Variants in ARHGEF4 observed in about 807,000 individuals in gnomAD.
The protein encoded by ARHGEF4 is Rho guanine nucleotide exchange factor 4.
A neutral mutation model predicts 162.0 loss-of-function variants in ARHGEF4; 119 were observed. The observed-to-expected ratio is 0.73, with a 90% CI of 0.63 to 0.86. ARHGEF4 has a LOEUF of 0.86. Among genes scored for constraint, ARHGEF4 ranks in the 40% least tolerant of loss-of-function variants. The probability of loss-of-function intolerance (pLI) is 0.00; values close to 1 mark genes in which losing one functional copy is unlikely to be tolerated. For missense variants in ARHGEF4, 2,488 were observed against 2,456.0 expected (o/e 1.01, Z -0.28); for synonymous variants, 1,014 against 979.9 (o/e 1.03, Z -0.65).
chr2:130,993,534 C>T (rs1687187685), intron 4 of ARHGEF4, among the ~76,000 whole-genome samples: 1 of 151,960 alleles, frequency 6.6e-6, no homozygotes, highest in Non-Finnish European at 1.5e-5. Context: ...GGAAAGTATG[C>T]CTAAATCTTT....
intron 1 of ARHGEF4, among the ~76,000 whole-genome samples, chr2:130,843,844 G>A (rs1467905930): frequency 6.6e-6 from 1 of 152,162 alleles, no homozygotes. Flanking sequence ...CAGAGCCCCA[G>A]GGGGGCCCTG....
intron 3 of ARHGEF4, 85 bp downstream of exon 3, chr2:130,931,342 C>A: frequency 7.2e-7 from 1 of 1,383,288 alleles, no homozygotes; most frequent in Non-Finnish European, 9.7e-7. Context: ...TGAGCTTTTG[C>A]CTGACTCTCC....
intron 3 of ARHGEF4, among the ~76,000 whole-genome samples, chr2:130,936,544 G>C (rs1210770463): frequency 1.3e-5 from 2 of 152,126 alleles, no homozygotes; most frequent in African/African-American, 4.8e-5. Flanking sequence ...AGTTTTCCCA[G>C]ATATATAACT....
intron 4 of ARHGEF4, chr2:131,011,649 G>T: frequency 6.5e-7 from 1 of 1,535,296 alleles, no homozygotes; most frequent in South Asian, 1.2e-5. Context: ...AACTGAGATT[G>T]GTCAAGAGCC....
chr2:130,879,677 A>T (rs1037316774), intron 1 of ARHGEF4, among the ~76,000 whole-genome samples: 2 of 152,186 alleles, frequency 1.3e-5, no homozygotes, highest in Non-Finnish European at 2.9e-5. Flanking sequence ...GAGTGTGATC[A>T]TGTAGTATTT....
chr2:130,980,796 A>G (rs1427146359), intron 4 of ARHGEF4, among the ~76,000 whole-genome samples: 1 of 152,232 alleles, frequency 6.6e-6, no homozygotes, highest in Non-Finnish European at 1.5e-5. Flanking sequence ...AAAATTACTA[A>G]TTAATCCAAG....
chr2:130,876,366 T>G (rs1330121155), intron 1 of ARHGEF4, among the ~76,000 whole-genome samples: 1 of 152,198 alleles, frequency 6.6e-6, no homozygotes, highest in African/African-American at 2.4e-5. Flanking sequence ...TGGGACTGAC[T>G]GTGTGCTAGG....
chr2:130,915,217 T>C lies in ARHGEF4; in HGVS notation c.1271T>C (p.Leu424Pro). The C allele has an allele frequency of 4.5e-6, 7 of 1,550,574 alleles. No homozygotes were observed. Among genetic ancestry groups the C allele is most frequent in the Non-Finnish European group, 6.1e-6 (7 of 1,147,004 alleles). The change falls in exon 2 of 14, where the codon CTG becomes CCG. Residue 424 changes from leucine to proline, a missense_variant. Around this residue, in one of 6 missense-constraint regions of ARHGEF4, gnomAD observed 1,642 missense variants for 1,481.5 expected, o/e 1.11. Transcript: ENST00000409359. ...ASQDTPSAGLLGENQLRQDSR... is the reference protein window; with the variant it reads ...ASQDTPSAGLPGENQLRQDSR... ...CAGGACACTCCTTCTGCAGGTCTCCTGGGGGAAAACCAGTTAAGACAGGAT... is the reference window on the plus strand; with the variant it reads ...CAGGACACTCCTTCTGCAGGTCTCCCGGGGGAAAACCAGTTAAGACAGGAT...
At chr2:130,908,269 T>C (rs1574206809) in intron 1 of ARHGEF4, among the ~76,000 whole-genome samples, 1 of 152,222 alleles carries the variant, frequency 6.6e-6, no homozygotes, top group African/African-American at 2.4e-5. Context: ...TGTCAGTGTA[T>C]AGAAATGCTA....
intron 4 of ARHGEF4, among the ~76,000 whole-genome samples, chr2:131,002,545 C>T (rs946425415): frequency 1.1e-4 from 17 of 152,036 alleles, no homozygotes; most frequent in Middle Eastern, 3.4e-3. Context: ...CCCATCTCTA[C>T]TAAAAATACA....
intron 4 of ARHGEF4, among the ~76,000 whole-genome samples, chr2:130,950,725 C>T (rs573879800): frequency 6.7e-6 from 1 of 148,830 alleles, no homozygotes; most frequent in South Asian, 2.3e-4. Context: ...TATCTACTTC[C>T]TGTCTCTGTA....
At chr2:130,979,505 G>T (rs1685970620) in intron 4 of ARHGEF4, among the ~76,000 whole-genome samples, 1 of 152,124 alleles carries the variant, frequency 6.6e-6, no homozygotes. Flanking sequence ...GGAGGCCGAG[G>T]TGGGCAGATC....
At chr2:131,038,111 A>G (rs1038735884) in intron 5 of ARHGEF4, among the ~76,000 whole-genome samples, 6 of 152,162 alleles carry the variant, frequency 3.9e-5, no homozygotes, top group African/African-American at 1.4e-4. Context: ...ACAAGCTCCA[A>G]TCACTCCAAT....
chr2:131,005,671 T>C (rs1255563663), intron 4 of ARHGEF4, among the ~76,000 whole-genome samples: 1 of 151,630 alleles, frequency 6.6e-6, no homozygotes, highest in Non-Finnish European at 1.5e-5. Flanking sequence ...GGAGCTGGCC[T>C]GTGTCCTCAG....
intron 1 of ARHGEF4, among the ~76,000 whole-genome samples, chr2:130,884,937 G>T (rs1679421461): frequency 6.6e-6 from 1 of 152,102 alleles, no homozygotes; most frequent in South Asian, 2.1e-4. Flanking sequence ...ATCAATAAAT[G>T]AAGACAAAAT....
chr2:130,896,035 G>A (rs920229519), intron 1 of ARHGEF4, among the ~76,000 whole-genome samples: 3 of 151,826 alleles, frequency 2.0e-5, no homozygotes, highest in South Asian at 2.1e-4. Flanking sequence ...ATTTGGTGGG[G>A]TTTATTTATT....
Position 130,970,698 on chromosome 2 carries a change from G to C in ARHGEF4, c.3985+24063G>C, listed in dbSNP as rs146229678. Among the ~76,000 whole-genome samples, 109 of 152,102 alleles carry C rather than the reference G, an allele frequency of 7.2e-4. 2 individuals are homozygous for C. The highest frequency in any genetic ancestry group is 3.7e-3 in the Admixed American group (57 of 15,262). On this transcript the variant is annotated intron_variant, in intron 4 of 13. Transcript: ENST00000409359. ...CTAATGCTGAGCATCTTTTCATGTG[G>C]GTGTTTGGCATATGCATATCTTCTT...
Position 130,917,165 on chromosome 2 carries a change from C to G in ARHGEF4, c.3219C>G (p.Ser1073Arg), listed in dbSNP as rs955150728. The change falls in exon 2 of 14, where the codon AGC becomes AGG. Residue 1073 changes from serine (S) to arginine (R), a missense_variant. Ser to Arg is a moderately radical substitution (Grantham distance 110, BLOSUM62 -1). This residue lies in a region of ARHGEF4 where 1,642 missense variants were observed against 1,481.5 expected (regional missense o/e 1.11). Transcript: ENST00000409359. ...QAGIAHTLPSSSACCLAYENP... is the reference protein window; with the variant it reads ...QAGIAHTLPSRSACCLAYENP... The stretch of plus-strand genomic sequence containing the variant: ...GAATCGCACACACCCTGCCTTCCAG[C>G]TCTGCCTGCTGCCTGGCATATGAAA... 6.4e-7 allele frequency: 1 copy of G among 1,550,546 alleles called. No homozygotes were observed. The highest frequency in any genetic ancestry group is 8.7e-7 in the Non-Finnish European group (1 of 1,146,996).
chr2:130,929,794 C>G, intron 2 of ARHGEF4: 1 of 189,782 alleles, frequency 5.3e-6, no homozygotes, highest in Non-Finnish European at 1.1e-5. Flanking sequence ...CCGTGTGAGT[C>G]TCCAGGGCTG....
Sources: gnomAD v4.1 joint callset for allele counts (sites outside exome capture counted in the v4.1 genomes callset) on GRCh38, gnomAD v4.1.1 for gene constraint, gnomAD v4.1.1 regional missense constraint, MANE v1.5 for transcripts, NCBI Gene and HGNC (gene_info 2026-07-23, HGNC 2026-07-21) for gene names.